Variants in ZBTB5 observed in about 807,000 individuals in gnomAD.
ZBTB5 encodes the protein zinc finger and BTB domain-containing protein 5.
Under a neutral mutation model 37.9 loss-of-function variants are expected in ZBTB5, and 15 were observed. The ratio of observed to expected loss-of-function variants is 0.40; its 90% confidence interval spans 0.26 to 0.61. ZBTB5 has a LOEUF of 0.61. Among genes scored for constraint, ZBTB5 ranks in the 20% least tolerant of loss-of-function variants. The pLI is 0.47. For missense variants in ZBTB5, 708 were observed against 856.8 expected (o/e 0.83, Z 2.17); for synonymous variants, 315 against 312.4 (o/e 1.01, Z -0.09).
At chr9:37,462,686 C>T (rs1373183604) in intron 1 of ZBTB5, among the ~76,000 whole-genome samples, 1 of 151,936 alleles carries the variant, frequency 6.6e-6, no homozygotes, top group African/African-American at 2.4e-5. Context: ...GCCTCGGCCT[C>T]CTGAGTAGCT....
chr9:37,454,669 T>C (rs1264564303), intron 1 of ZBTB5, among the ~76,000 whole-genome samples: 1 of 152,386 alleles, frequency 6.6e-6, no homozygotes, highest in Non-Finnish European at 1.5e-5. Flanking sequence ...ATAAAGTTCC[T>C]TTCTGTCTTC....
At chr9:37,455,215 G>A (rs1356246685) in intron 1 of ZBTB5, among the ~76,000 whole-genome samples, 3 of 152,162 alleles carry the variant, frequency 2.0e-5, no homozygotes, top group Non-Finnish European at 4.4e-5. Context: ...CGTGGCCAAG[G>A]AGAGAAGAGA....
At chr9:37,459,284 A>T (rs765815846) in intron 1 of ZBTB5, among the ~76,000 whole-genome samples, 3 of 152,002 alleles carry the variant, frequency 2.0e-5, no homozygotes, top group Non-Finnish European at 4.4e-5. Flanking sequence ...CATGGAGAAA[A>T]GCCGTCTCTA....
Position 37,441,663 on chromosome 9 carries a change from T to C in ZBTB5, c.889A>G (p.Thr297Ala). 1 of 1,613,794 alleles carries C rather than the reference T, an allele frequency of 6.2e-7. No individual in the cohort carries two copies. Among genetic ancestry groups the C allele is most frequent in the Non-Finnish European group, 8.5e-7 (1 of 1,179,966 alleles). The change falls in exon 2 of 2, where the codon ACT (threonine) becomes GCT (alanine). Residue 297 changes from threonine to alanine, a missense_variant. This residue lies in a region of ZBTB5 where 639 missense variants were observed against 690.5 expected (regional missense o/e 0.93). Coordinates refer to ENST00000307750, the MANE Select transcript of ZBTB5 (RefSeq NM_014872.3). ...SMASRATQVE[T>A]SFDQEAAPEK... ...GGTGCAGCTTCCTGATCAAAACTAGTCTCAACCTGAGTTGCACGAGAGGCC... is the reference window on the plus strand; with the variant it reads ...GGTGCAGCTTCCTGATCAAAACTAGCCTCAACCTGAGTTGCACGAGAGGCC...
chr9:37,441,986 C>T lies in ZBTB5; in HGVS notation c.566G>A (p.Arg189His), dbSNP rs975872212. 8 of 1,613,826 alleles carry T rather than the reference C, an allele frequency of 5.0e-6. No homozygotes were observed. Among genetic ancestry groups the T allele is most frequent in the South Asian group, 1.1e-5 (1 of 91,086 alleles). Residue 189 changes from arginine to histidine, a missense_variant, in exon 2 of 2, where the codon CGC (arginine) becomes CAC (histidine). This residue lies in a region of ZBTB5 where 639 missense variants were observed against 690.5 expected (regional missense o/e 0.93). Coordinates refer to ENST00000307750, the MANE Select transcript of ZBTB5 (RefSeq NM_014872.3). ...LDQRTPFPMR[R>H]LHKRKQSAEE... The stretch of plus-strand genomic sequence containing the variant: ...TGCAGACTGCTTGCGCTTATGAAGG[C>T]GTCTCATGGGGAAGGGCGTGCGCTG...
At chr9:37,459,961 C>T (rs1310357998) in intron 1 of ZBTB5, among the ~76,000 whole-genome samples, 9 of 151,608 alleles carry the variant, frequency 5.9e-5, no homozygotes, top group African/African-American at 9.7e-5. Context: ...CTGTCCGTCT[C>T]GGCCTCCCAA....
At chr9:37,464,590 T>C (rs1468974325) in intron 1 of ZBTB5, among the ~76,000 whole-genome samples, 1 of 152,180 alleles carries the variant, frequency 6.6e-6, no homozygotes, top group Non-Finnish European at 1.5e-5. Flanking sequence ...CATACAAATC[T>C]GTCCTCCAAA....
chr9:37,457,876 T>C (rs1196599711), intron 1 of ZBTB5, among the ~76,000 whole-genome samples: 1 of 152,172 alleles, frequency 6.6e-6, no homozygotes, highest in Admixed American at 6.5e-5. Context: ...GAAAGGTAGG[T>C]ATTGGATAGT....
At chr9:37,451,580 C>CA (rs1239366441) in intron 1 of ZBTB5, among the ~76,000 whole-genome samples, 5 of 135,212 alleles carry the variant, frequency 3.7e-5, no homozygotes, top group Non-Finnish European at 7.7e-5. Context: ...AAAAAAAAGA[C>CA]AGACGTGCAC....
At chr9:37,455,755 C>T (rs1246436664) in intron 1 of ZBTB5, among the ~76,000 whole-genome samples, 1 of 152,140 alleles carries the variant, frequency 6.6e-6, no homozygotes, top group Non-Finnish European at 1.5e-5. Flanking sequence ...CTAGACAGAA[C>T]ATTTCCTCCA....
At position 37,464,626 on chromosome 9, in the gene ZBTB5, T is replaced by G. The variant is rs1824355389; in HGVS notation, c.-5+589A>C. Among the ~76,000 whole-genome samples the G allele has an allele frequency of 2.6e-5, 4 of 152,358 alleles. No homozygotes were observed. In the South Asian group the frequency reaches 8.3e-4, roughly 32 times the overall value. ...CAGGAGAAGATGGGACGGCAGTGTC[T>G]TACCACCGCATCCCCCACAGCTCCT... On this transcript the variant is annotated intron_variant, in intron 1 of 1. Transcript: ENST00000307750.
At position 37,440,470 on chromosome 9, in the gene ZBTB5, A is replaced by C. The variant is rs1564308666; in HGVS notation, c.*48T>G. The C allele has an allele frequency of 6.4e-7, 1 of 1,568,364 alleles. No homozygotes were observed. Among genetic ancestry groups the C allele is most frequent in the Admixed American group, 1.7e-5 (1 of 57,602 alleles). The stretch of plus-strand genomic sequence containing the variant: ...AAGGCATTAACTGCTTACCAAAAGA[A>C]ATTCAGTCTGACAACTGGCCTCAGC... On this transcript the variant is annotated 3_prime_UTR_variant, in exon 2 of 2. Transcript: ENST00000307750.
intron 1 of ZBTB5, among the ~76,000 whole-genome samples, chr9:37,460,504 C>T (rs995905412): frequency 4.6e-5 from 7 of 152,174 alleles, no homozygotes; most frequent in Non-Finnish European, 1.0e-4. Flanking sequence ...GAGGCTGAAG[C>T]GGGAGGCTCA....
chr9:37,445,325 A>T (rs1823955559), intron 1 of ZBTB5, among the ~76,000 whole-genome samples: 1 of 152,158 alleles, frequency 6.6e-6, no homozygotes, highest in Admixed American at 6.5e-5. Flanking sequence ...ATCTCAAAAA[A>T]TAGTAATTTG....
chr9:37,438,525 T>A lies in ZBTB5; in HGVS notation c.*1993A>T, dbSNP rs1823772921. The stretch of plus-strand genomic sequence containing the variant: ...TCAGAGATAAGCCCCAAAAGCAAAG[T>A]CCACTTATGCTTCAGCAGAGGTAAG... On this transcript the variant is annotated 3_prime_UTR_variant, in exon 2 of 2. Transcript: ENST00000307750. 1 of 152,188 alleles carries A rather than the reference T, an allele frequency of 6.6e-6. No individual in the cohort carries two copies. 9.4% of individuals were successfully genotyped at this position (152,188 alleles called of 1,614,324 possible). A position where few individuals can be genotyped will look rare whatever the true frequency, so the allele number is the denominator to read the frequency against.
Position 37,439,954 on chromosome 9 carries a change from G to A in ZBTB5, c.*564C>T, listed in dbSNP as rs1823826489. 1 of 155,700 alleles carries A rather than the reference G, an allele frequency of 6.4e-6. No individual in the cohort carries two copies. The highest frequency in any genetic ancestry group is 1.4e-5 in the Non-Finnish European group (1 of 70,026). 9.6% of individuals were successfully genotyped at this position (155,700 alleles called of 1,614,324 possible). On this transcript the variant is annotated 3_prime_UTR_variant, in exon 2 of 2. Coordinates refer to ENST00000307750, the MANE Select transcript of ZBTB5 (RefSeq NM_014872.3). Reference sequence around the variant, plus strand: ...CTGGACCCAGTGTCAGCACCAAAGTGCAGTGTTTATGACTGCAAATCAGGT... The same window carrying A: ...CTGGACCCAGTGTCAGCACCAAAGTACAGTGTTTATGACTGCAAATCAGGT...
intron 1 of ZBTB5, among the ~76,000 whole-genome samples, chr9:37,449,400 A>T (rs1824056183): frequency 6.6e-6 from 1 of 152,190 alleles, no homozygotes; most frequent in African/African-American, 2.4e-5. Flanking sequence ...CATTCATGAA[A>T]GAATGAGTAA....
At position 37,441,878 on chromosome 9, in the gene ZBTB5, C is replaced by G. The variant is rs1461568573; in HGVS notation, c.674G>C (p.Gly225Ala). ...SDVTPENGPS[G>A]VHSREEFFSP... ...AAAGAACTCCTCCCGAGAATGAACC[C>G]CTGAAGGCCCATTCTCCGGTGTAAC... Residue 225 changes from glycine to alanine, a missense_variant, in exon 2 of 2, where the codon GGG becomes GCG. This residue lies in a region of ZBTB5 where 639 missense variants were observed against 690.5 expected (regional missense o/e 0.93). Transcript: ENST00000307750. The G allele has an allele frequency of 5.0e-6, 8 of 1,614,040 alleles. No homozygotes were observed. Among genetic ancestry groups the G allele is most frequent in the Non-Finnish European group, 6.8e-6 (8 of 1,180,044 alleles).
rs1396695326 is a variant in ZBTB5, at chr9:37,440,894, A to C, written c.1658T>G (p.Ile553Ser). ...PVVTSVRSSQ[I>S]PENSTSSQLM... Reference sequence around the variant, plus strand: ...CTGAGAACTGGTAGAGTTTTCTGGGATCTGTGAGCTCCTGACGGAAGTTAC... The same window carrying C: ...CTGAGAACTGGTAGAGTTTTCTGGGCTCTGTGAGCTCCTGACGGAAGTTAC... Residue 553 changes from isoleucine to serine, a missense_variant, in exon 2 of 2, where the codon ATC becomes AGC. Transcript: ENST00000307750. 2 of 1,614,136 alleles carry C rather than the reference A, an allele frequency of 1.2e-6. No individual in the cohort carries two copies. Among genetic ancestry groups the C allele is most frequent in the Non-Finnish European group, 1.7e-6 (2 of 1,180,034 alleles).
Sources: allele counts gnomAD v4.1 joint callset (sites outside exome capture counted in the v4.1 genomes callset), GRCh38; gene constraint gnomAD v4.1.1; regional missense constraint gnomAD v4.1.1; transcripts MANE v1.5; gene names NCBI Gene and HGNC (gene_info 2026-07-23, HGNC 2026-07-21).